Variants in SMC3 observed in about 807,000 individuals in gnomAD.
SMC3 encodes the protein structural maintenance of chromosomes protein 3.
Under a neutral mutation model 171.8 loss-of-function variants are expected in SMC3, and 20 were observed. That is an observed-to-expected ratio of 0.12 (90% CI 0.08 to 0.17). The LOEUF (loss-of-function observed/expected upper bound fraction) is 0.17. Ranked by LOEUF, SMC3 falls within the 10% of genes least tolerant of loss-of-function variation. SMC3 has a pLI of 1.00. For missense variants in SMC3, 543 were observed against 1,420.4 expected, an observed-to-expected ratio of 0.38 and a Z score of 9.93; for synonymous variants, 464 against 451.1, an observed-to-expected ratio of 1.03 and a Z score of -0.36.
At position 110,590,550 on chromosome 10, in the gene SMC3, G is replaced by A; in HGVS notation, c.1648G>A (p.Val550Met). ...FECEPAFYTCVEVTAGNRLFY... is the reference protein window; with the variant it reads ...FECEPAFYTCMEVTAGNRLFY... Reference sequence around the variant, plus strand: ...ATGTGAACCAGCTTTCTACACATGCGTGGAAGTCACTGCTGGAAACAGGTT... The same window carrying A: ...ATGTGAACCAGCTTTCTACACATGCATGGAAGTCACTGCTGGAAACAGGTT... The change falls in exon 16 of 29, where the codon GTG becomes ATG. Residue 550 changes from valine to methionine, a missense_variant. Coordinates refer to ENST00000361804, the MANE Select transcript of SMC3 (RefSeq NM_005445.4). 1 of 1,614,090 alleles carries A rather than the reference G, an allele frequency of 6.2e-7. No individual in the cohort carries two copies. Among genetic ancestry groups the A allele is most frequent in the Non-Finnish European group, 8.5e-7 (1 of 1,179,942 alleles).
At chr10:110,589,776 T>C (rs993117814) in intron 14 of SMC3, 68 bp downstream of exon 14, 4 of 1,431,816 alleles carry the variant, frequency 2.8e-6, no homozygotes, top group Middle Eastern at 2.2e-4. Flanking sequence ...ATGTGGTCTT[T>C]AAGTTACAAG....
intron 17 of SMC3, 108 bp from the exon 18 acceptor site, chr10:110,592,965 A>T (rs1861232236): frequency 3.2e-6 from 3 of 944,690 alleles, no homozygotes; most frequent in Non-Finnish European, 3.4e-6. Context: ...GTTTTGAAAT[A>T]TAATGGTGTT....
In SMC3 at chr10:110,601,949, AT is replaced by A; in HGVS notation, c.2893-16del. ...TATATAAATTTATTTATATGAATAC[AT>A]ATTTTCTCTTTATAGTTGTTTCGAA... On this transcript the variant is annotated splice_polypyrimidine_tract_variant and intron_variant, in intron 24 of 28. Coordinates refer to ENST00000361804, the MANE Select transcript of SMC3 (RefSeq NM_005445.4). 6.2e-7 allele frequency: 1 copy of A among 1,609,658 alleles called. No individual in the cohort carries two copies. Among genetic ancestry groups the A allele is most frequent in the Non-Finnish European group, 8.5e-7 (1 of 1,176,982 alleles).
chr10:110,571,284 T>A (rs1860867462), intron 2 of SMC3, among the ~76,000 whole-genome samples: 1 of 152,194 alleles, frequency 6.6e-6, no homozygotes, highest in African/African-American at 2.4e-5. Context: ...AAGGCTTTGA[T>A]GGGAGGTGCA....
intron 1 of SMC3, 50 bp from the exon 2 acceptor site, chr10:110,568,886 ATG>A (rs1339274723): frequency 2.0e-6 from 2 of 1,021,386 alleles, no homozygotes; most frequent in African/African-American, 1.7e-5. Flanking sequence ...CAAGAGAAAA[ATG>A]TTAATTTTTT....
chr10:110,603,407 G>A, intron 28 of SMC3, 117 bp downstream of exon 28: 1 of 702,780 alleles, frequency 1.4e-6, no homozygotes, highest in Non-Finnish European at 2.4e-6. Context: ...CTTATCTGAT[G>A]TCTTTGTAAA....
Position 110,590,000 on chromosome 10 carries a change from G to A in SMC3, c.1509+9G>A, listed in dbSNP as rs1031576366. 8.7e-6 allele frequency: 14 copies of A among 1,611,132 alleles called. No homozygotes were observed. The highest frequency in any genetic ancestry group is 1.2e-5 in the Non-Finnish European group (14 of 1,177,548). On this transcript the variant is annotated intron_variant, in intron 15 of 28. Transcript: ENST00000361804. ...GAGCAGCAACAGGAAAGGTGGGCAGGTTCTTTTCATCACCTCTGTTTACAC... is the reference window on the plus strand; with the variant it reads ...GAGCAGCAACAGGAAAGGTGGGCAGATTCTTTTCATCACCTCTGTTTACAC...
chr10:110,570,067 G>T (rs923965962), intron 2 of SMC3, among the ~76,000 whole-genome samples: 2 of 152,166 alleles, frequency 1.3e-5, no homozygotes, highest in East Asian at 1.9e-4. Context: ...CTGGAGGTCA[G>T]ACATCCATGA....
chr10:110,588,988 G>T (rs1861166056), intron 13 of SMC3, among the ~76,000 whole-genome samples: 1 of 152,052 alleles, frequency 6.6e-6, no homozygotes, highest in Non-Finnish European at 1.5e-5. Context: ...GAAATAGGAA[G>T]ATTTAGATCA....
At chr10:110,596,182 A>C (rs1221294916) in intron 18 of SMC3, among the ~76,000 whole-genome samples, 1 of 145,706 alleles carries the variant, frequency 6.9e-6, no homozygotes, top group Non-Finnish European at 1.5e-5. Context: ...TGACCGCACC[A>C]CTGCACTCCA....
At chr10:110,599,284 G>T (rs371456074) in intron 20 of SMC3, among the ~76,000 whole-genome samples, 2 of 152,226 alleles carry the variant, frequency 1.3e-5, no homozygotes, top group East Asian at 3.9e-4. Context: ...TTTCAGTATA[G>T]ACGGGTTTCA....
At chr10:110,595,358 ATT>A (rs111941094) in intron 18 of SMC3, among the ~76,000 whole-genome samples, 4 of 152,016 alleles carry the variant, frequency 2.6e-5, no homozygotes, top group African/African-American at 9.6e-5. Flanking sequence ...CATTTTCTGG[ATT>A]TGTCTTATTG....
chr10:110,587,030 A>T (rs1355017794), intron 13 of SMC3, among the ~76,000 whole-genome samples: 1 of 152,202 alleles, frequency 6.6e-6, no homozygotes, highest in Non-Finnish European at 1.5e-5. Context: ...CTGCAGTATG[A>T]AAAATAAAAT....
chr10:110,598,108 C>T, intron 19 of SMC3, 31 bp from the exon 20 acceptor site: 2 of 1,600,510 alleles, frequency 1.2e-6, no homozygotes, highest in Non-Finnish European at 1.7e-6. Context: ...ATATTTACAA[C>T]CTGGAGATAA....
chr10:110,589,481 C>G (rs1861175439), intron 13 of SMC3, 124 bp from the exon 14 acceptor site: 1 of 678,674 alleles, frequency 1.5e-6, no homozygotes, highest in Non-Finnish European at 2.7e-6. Context: ...TTTCCATACC[C>G]CTTTGTAATT....
At chr10:110,599,986 A>G (rs1273665881) in intron 21 of SMC3, among the ~76,000 whole-genome samples, 174 bp downstream of exon 21, 3 of 152,108 alleles carry the variant, frequency 2.0e-5, no homozygotes, top group Admixed American at 6.5e-5. Context: ...AAACCAATCT[A>G]GCTAGGTTAG....
At chr10:110,602,207 C>A in intron 25 of SMC3, 29 bp downstream of exon 25, 1 of 1,559,694 alleles carries the variant, frequency 6.4e-7, no homozygotes, top group South Asian at 1.1e-5. Flanking sequence ...TTAAAACATA[C>A]ACACAGAGGA....
chr10:110,582,397 A>C (rs1230501113), intron 9 of SMC3, among the ~76,000 whole-genome samples, 165 bp from the exon 10 acceptor site: 1 of 152,138 alleles, frequency 6.6e-6, no homozygotes, highest in Admixed American at 6.5e-5. Flanking sequence ...TTTGTACAAA[A>C]ATTTAGTGCT....
intron 20 of SMC3, 152 bp downstream of exon 20, chr10:110,598,442 T>C: frequency 1.3e-6 from 1 of 799,950 alleles, no homozygotes; most frequent in South Asian, 1.5e-5. Flanking sequence ...TCTCTTTCTG[T>C]CTCACCCAGG....
Sources: allele counts gnomAD v4.1 joint callset (sites outside exome capture counted in the v4.1 genomes callset), GRCh38; gene constraint gnomAD v4.1.1; transcripts MANE v1.5; gene names NCBI Gene and HGNC (gene_info 2026-07-23, HGNC 2026-07-21).